The following INVS variants were observed in gnomAD, a reference collection of about 807,000 sequenced individuals.
INVS encodes the protein inversion of embryo turning homolog.
A neutral mutation model predicts 108.8 loss-of-function variants in INVS; 86 were observed. The observed-to-expected ratio is 0.79, with a 90% CI of 0.66 to 0.95. The LOEUF (loss-of-function observed/expected upper bound fraction) is 0.95. INVS is among the 40% of genes least tolerant of loss of function. INVS has a pLI of 0.00. For synonymous variants in INVS, 455 were observed against 473.5 expected (o/e 0.96, Z 0.51); for missense variants, 1,169 against 1,297.4 (o/e 0.90, Z 1.52).
At chr9:100,239,945 GGTGACAGAACAAGACCCT>G (rs1454373775) in intron 5 of INVS, 97 bp from the exon 6 acceptor site, 3 of 940,662 alleles carry the variant, frequency 3.2e-6, no homozygotes, top group Non-Finnish European at 5.1e-6. Flanking sequence ...CTCCAACCTG[GGTGACAGAACAAGACCCT>G]GTCTCTAAAA....
intron 11 of INVS, among the ~76,000 whole-genome samples, chr9:100,270,743 C>T (rs1832927276): frequency 1.8e-5 from 2 of 108,508 alleles, no homozygotes; most frequent in East Asian, 2.6e-4. Flanking sequence ...AGCAAAACTC[C>T]ATCTCAAAAA....
chr9:100,297,024 G>A lies in INVS; in HGVS notation c.2894G>A (p.Trp965Ter). 6.8e-6 allele frequency: 11 copies of A among 1,613,950 alleles called. No homozygotes were observed. Among genetic ancestry groups the A allele is most frequent in the Non-Finnish European group, 9.3e-6 (11 of 1,179,958 alleles). The change falls in exon 15 of 17, where the codon TGG (tryptophan) becomes TAG (stop). Residue 965 changes from tryptophan to a stop codon, truncating the protein, a stop_gained. Transcript: ENST00000262457. LOFTEE classifies it high-confidence loss of function. ...TCTACAGCATTGCTCCTCCAGGTTT[G>A]GAGGAAGGAACTGGAACTAAAATTC... Reference protein sequence around the residue: ...QESTALLLQVWRKELELKFPQ... With the variant: ...QESTALLLQV
intron 12 of INVS, among the ~76,000 whole-genome samples, chr9:100,274,687 T>G (rs1422987926): frequency 1.3e-5 from 2 of 152,176 alleles, no homozygotes; most frequent in Admixed American, 6.5e-5. Context: ...GTACTTTTAG[T>G]AGAGATGAGG....
At chr9:100,205,882 A>T (rs1830661923) in intron 3 of INVS, among the ~76,000 whole-genome samples, 1 of 152,106 alleles carries the variant, frequency 6.6e-6, no homozygotes, top group Non-Finnish European at 1.5e-5. Flanking sequence ...TGATGATAGA[A>T]CATGTTAGAA....
At chr9:100,245,464 TAG>T (rs1250217712) in intron 7 of INVS, among the ~76,000 whole-genome samples, 1 of 152,038 alleles carries the variant, frequency 6.6e-6, no homozygotes, top group Admixed American at 6.6e-5. Flanking sequence ...TATATTTTAG[TAG>T]AGACGGGGTT....
At chr9:100,204,867 C>T (rs141813931) in intron 3 of INVS, among the ~76,000 whole-genome samples, 42 of 152,148 alleles carry the variant, frequency 2.8e-4, no homozygotes, top group African/African-American at 1.0e-3. Flanking sequence ...ACCTACTTAG[C>T]TATGTCATAT....
chr9:100,189,008 G>C (rs1248950124), intron 3 of INVS, among the ~76,000 whole-genome samples: 1 of 150,760 alleles, frequency 6.6e-6, no homozygotes, highest in Non-Finnish European at 1.5e-5. Context: ...AGTCTCAAAT[G>C]ATCTTTTGTA....
chr9:100,251,484 T>C (rs1832234984), intron 8 of INVS, among the ~76,000 whole-genome samples: 1 of 152,260 alleles, frequency 6.6e-6, no homozygotes, highest in African/African-American at 2.4e-5. Context: ...TCAAAATTAC[T>C]CTTTAAAACC....
intron 3 of INVS, among the ~76,000 whole-genome samples, chr9:100,179,556 A>G (rs549298744): frequency 7.9e-5 from 12 of 152,334 alleles, no homozygotes; most frequent in African/African-American, 1.2e-4. Context: ...AGGGCATTAC[A>G]TAATGGTAAA....
At chr9:100,261,252 A>G (rs1157344574) in intron 10 of INVS, among the ~76,000 whole-genome samples, 2 of 151,634 alleles carry the variant, frequency 1.3e-5, no homozygotes, top group African/African-American at 4.8e-5. Context: ...TCTTTATGAT[A>G]CTAGGAATGC....
At chr9:100,259,239 C>T (rs1832527806) in intron 10 of INVS, among the ~76,000 whole-genome samples, 1 of 152,200 alleles carries the variant, frequency 6.6e-6, no homozygotes, top group African/African-American at 2.4e-5. Context: ...GATATAATCT[C>T]CTGGTGTGCC....
chr9:100,195,766 G>C (rs1186563649), intron 3 of INVS, among the ~76,000 whole-genome samples: 1 of 152,040 alleles, frequency 6.6e-6, no homozygotes, highest in African/African-American at 2.4e-5. Context: ...GGGATTACAG[G>C]CGTGAGCCAC....
intron 3 of INVS, among the ~76,000 whole-genome samples, chr9:100,181,521 A>G (rs992472251): frequency 6.6e-6 from 1 of 152,166 alleles, no homozygotes; most frequent in Non-Finnish European, 1.5e-5. Flanking sequence ...CACAATTGCT[A>G]CAAAGAGAAT....
In INVS at chr9:100,190,115, T is replaced by G. The variant is rs1165960295; in HGVS notation, c.274-35947T>G. ...TATCTTCTTGTTGGATTGATCCTTT[T>G]ATCACTATATAATGACTTTCTTTGT... On this transcript the variant is annotated intron_variant, in intron 3 of 16. Transcript: ENST00000262457. Among the ~76,000 whole-genome samples the G allele has an allele frequency of 2.0e-5, 3 of 152,344 alleles. No individual in the cohort carries two copies. In the East Asian group the frequency reaches 5.8e-4, roughly 29 times the overall value.
intron 11 of INVS, among the ~76,000 whole-genome samples, chr9:100,270,988 A>T (rs997180415): frequency 6.6e-6 from 1 of 152,006 alleles, no homozygotes; most frequent in African/African-American, 2.4e-5. Context: ...GCCATTTGAG[A>T]TTCAAATATA....
At chr9:100,209,087 C>G (rs1830757193) in intron 3 of INVS, among the ~76,000 whole-genome samples, 1 of 152,080 alleles carries the variant, frequency 6.6e-6, no homozygotes, top group Admixed American at 6.5e-5. Context: ...TACTGCCTCC[C>G]CATGGAGTAG....
At chr9:100,263,179 G>C (rs533516127) in intron 10 of INVS, among the ~76,000 whole-genome samples, 18 of 152,186 alleles carry the variant, frequency 1.2e-4, no homozygotes, top group Admixed American at 7.2e-4. Flanking sequence ...GAAGTGTACT[G>C]TTTAATTTTC....
chr9:100,161,613 A>AGATGGATG (rs553912870), intron 3 of INVS, among the ~76,000 whole-genome samples: 41 of 151,754 alleles, frequency 2.7e-4, no homozygotes, highest in African/African-American at 9.9e-4. Flanking sequence ...GTGGCTGGCC[A>AGATGGATG]GATGGATGGA....
At chr9:100,270,842 A>G (rs1160402590) in intron 11 of INVS, among the ~76,000 whole-genome samples, 1 of 150,348 alleles carries the variant, frequency 6.7e-6, no homozygotes, top group East Asian at 1.9e-4. Flanking sequence ...GGACTACTTG[A>G]GCCCAGGAGG....
Sources: gnomAD v4.1 joint callset for allele counts (sites outside exome capture counted in the v4.1 genomes callset) on GRCh38, gnomAD v4.1.1 for gene constraint, MANE v1.5 for transcripts, NCBI Gene and HGNC (gene_info 2026-07-23, HGNC 2026-07-21) for gene names.